Variants in FAM81A observed in about 807,000 individuals in gnomAD.
FAM81A encodes the protein protein FAM81A.
In FAM81A, 19 loss-of-function variants were observed where a neutral mutation model predicts 46.7. The observed-to-expected ratio is 0.41, with a 90% CI of 0.28 to 0.60. FAM81A has a LOEUF of 0.60. Among genes scored for constraint, FAM81A ranks in the 20% least tolerant of loss-of-function variants. The pLI, the probability that FAM81A is intolerant of heterozygous loss-of-function variation, is 0.34. For missense variants in FAM81A, 377 were observed against 453.5 expected (o/e 0.83, Z 1.53); for synonymous variants, 183 against 152.9 (o/e 1.20, Z -1.45).
rs1202424786 is a variant in FAM81A at position 59,460,912 on chromosome 15, T to C, written c.294+706T>C. 6.6e-6 allele frequency among the ~76,000 whole-genome samples: 1 copy of C among 152,212 alleles called. No homozygotes were observed. The highest frequency in any genetic ancestry group is 1.5e-5 in the Non-Finnish European group (1 of 68,046). The stretch of plus-strand genomic sequence containing the variant: ...TATATGGCTAGATTAAGGAAAACTT[T>C]TGCTTCCTGTGATGGAGATTATATC... On this transcript the variant is annotated intron_variant, in intron 3 of 8. Transcript: ENST00000288228. This position sits in a 1 kb window ranked among gnomAD's most constrained non-coding sequence, Gnocchi z 4.4.
chr15:59,430,254 CTTTTTTTTTTTTTTT>C (rs5812977), intron 2 of FAM81A, among the ~76,000 whole-genome samples: 13 of 87,456 alleles, frequency 1.5e-4, no homozygotes, highest in Non-Finnish European at 2.0e-4. Flanking sequence ...ACCTATTTCC[CTTTTTTTTTTTTTTT>C]TTTTTTTTTT....
intron 1 of FAM81A, among the ~76,000 whole-genome samples, chr15:59,456,662 G>T (rs542710474): frequency 4.6e-5 from 7 of 152,168 alleles, no homozygotes; most frequent in Non-Finnish European, 8.8e-5. Flanking sequence ...TGTAGCCTCA[G>T]CCTCCCTGGG....
intron 3 of FAM81A, among the ~76,000 whole-genome samples, chr15:59,463,121 T>C (rs2081572466): frequency 6.6e-6 from 1 of 152,224 alleles, no homozygotes. Flanking sequence ...TTTTCTCCTA[T>C]GTTTAATTCA....
intron 1 of FAM81A, among the ~76,000 whole-genome samples, chr15:59,450,165 A>G (rs1257245147): frequency 6.8e-6 from 1 of 146,936 alleles, no homozygotes; most frequent in Non-Finnish European, 1.5e-5. Flanking sequence ...TCCTGGGTTC[A>G]AGCCATCTGC....
chr15:59,497,042 C>T (rs1177141775), intron 4 of FAM81A, among the ~76,000 whole-genome samples: 4 of 151,938 alleles, frequency 2.6e-5, no homozygotes, highest in African/African-American at 9.7e-5. Context: ...AGGAGAATCG[C>T]TTGAACCTAG....
At chr15:59,417,588 G>A (rs1171664326) in intron 2 of FAM81A, among the ~76,000 whole-genome samples, 1 of 151,464 alleles carries the variant, frequency 6.6e-6, no homozygotes, top group Non-Finnish European at 1.5e-5. Context: ...AATGGTGCAC[G>A]CCTGTAATCC....
In FAM81A at chr15:59,502,485, CTGTGTGTG is replaced by C. The variant is rs71119478; in HGVS notation, c.414-4692_414-4685del. On this transcript the variant is annotated intron_variant, in intron 4 of 8. Coordinates refer to ENST00000288228, the MANE Select transcript of FAM81A (RefSeq NM_152450.3). ...CATAAAAAAACCAGAGTTGACTTCA[CTGTGTGTG>C]TGTGTGTGTGTGTGTGTGTGTGTGT... Among the ~76,000 whole-genome samples, 112 of 138,282 alleles carry C rather than the reference CTGTGTGTG, an allele frequency of 8.1e-4. 1 individual carries two copies. Among genetic ancestry groups the C allele is most frequent in the East Asian group, 1.5e-3 (7 of 4,680 alleles). The allele number at this position is 138,282 out of a possible 152,430, so 90.7% of individuals were successfully genotyped here. A position where few individuals can be genotyped will look rare whatever the true frequency, so the allele number is the denominator to read the frequency against.
At chr15:59,492,433 T>C in intron 4 of FAM81A, 44 bp downstream of exon 4, 1 of 1,479,506 alleles carries the variant, frequency 6.8e-7, no homozygotes, top group Non-Finnish European at 9.3e-7. Context: ...AAAAACCATT[T>C]TCTATAAACT....
At chr15:59,515,015 C>T (rs1344581554) in intron 7 of FAM81A, among the ~76,000 whole-genome samples, 4 of 152,156 alleles carry the variant, frequency 2.6e-5, no homozygotes, top group East Asian at 1.9e-4. Context: ...GAGGCTGAGG[C>T]GGGAGGATCG....
chr15:59,473,567 C>A (rs2081725857), intron 3 of FAM81A, among the ~76,000 whole-genome samples: 1 of 152,166 alleles, frequency 6.6e-6, no homozygotes, highest in Non-Finnish European at 1.5e-5. Context: ...GTTACTTCCC[C>A]ATTCTTAGAA....
chr15:59,496,411 C>A (rs2082034312), intron 4 of FAM81A, among the ~76,000 whole-genome samples: 1 of 151,928 alleles, frequency 6.6e-6, no homozygotes, highest in South Asian at 2.1e-4. Context: ...TCAAGACCAG[C>A]CTGACCAATA....
chr15:59,477,041 AC>A (rs1363382070), intron 3 of FAM81A, among the ~76,000 whole-genome samples: 30 of 151,302 alleles, frequency 2.0e-4, no homozygotes, highest in African/African-American at 6.8e-4. Context: ...AATCACTTGA[AC>A]CCAGGAGGCG....
intron 2 of FAM81A, chr15:59,407,784 A>G (rs561336018): frequency 3.0e-4 from 70 of 231,382 alleles, no homozygotes; most frequent in Non-Finnish European, 4.9e-4. Flanking sequence ...CTTTGCTGGC[A>G]GCTTTCTTCT....
intron 4 of FAM81A, among the ~76,000 whole-genome samples, chr15:59,498,239 T>C (rs2082054868): frequency 6.6e-6 from 1 of 152,244 alleles, no homozygotes; most frequent in African/African-American, 2.4e-5. Flanking sequence ...TTTGGAGTTT[T>C]AAAAGTATAA....
chr15:59,468,619 C>G (rs2081645170), intron 3 of FAM81A, among the ~76,000 whole-genome samples: 1 of 150,332 alleles, frequency 6.7e-6, no homozygotes, highest in African/African-American at 2.5e-5. Context: ...ATTAGTCTTG[C>G]TAGCAGTCTA....
rs754516996 is a variant in FAM81A at position 59,521,327 on chromosome 15, C to T, written c.1056C>T (p.Asp352=). ...VLEAKMKLDR[D]QLQKQIQLMQ... ...AGGCCAAGATGAAGCTGGACAGGGA[C>T]CAGCTACAGAAGCAAATCCAGCTGA... Residue 352 remains aspartate, a synonymous_variant, in exon 9 of 9, where the codon GAC becomes GAT. Coordinates refer to ENST00000288228, the MANE Select transcript of FAM81A (RefSeq NM_152450.3). 3.7e-6 allele frequency: 6 copies of T among 1,613,720 alleles called. No individual in the cohort carries two copies. Among genetic ancestry groups the T allele is most frequent in the Non-Finnish European group, 4.2e-6 (5 of 1,179,754 alleles).
At chr15:59,413,993 A>G (rs1367471713) in intron 2 of FAM81A, among the ~76,000 whole-genome samples, 1 of 152,034 alleles carries the variant, frequency 6.6e-6, no homozygotes, top group Non-Finnish European at 1.5e-5. Context: ...TCACTCTGTC[A>G]CCCAGGCTGG....
intron 2 of FAM81A, among the ~76,000 whole-genome samples, chr15:59,402,726 G>A (rs1210561742): frequency 2.9e-5 from 4 of 139,652 alleles, no homozygotes; most frequent in East Asian, 4.3e-4. Flanking sequence ...GGGGTGGGGG[G>A]GATATTTAGT....
In FAM81A at chr15:59,450,103, C is replaced by CTTTTTTT. The variant is rs56862038; in HGVS notation, c.-77-8437_-77-8431dup. Among the ~76,000 whole-genome samples the CTTTTTTT allele has an allele frequency of 1.0e-4, 13 of 126,250 alleles. 2 individuals are homozygous for CTTTTTTT. Among genetic ancestry groups the CTTTTTTT allele is most frequent in the South Asian group, 2.6e-4 (1 of 3,894 alleles). 82.8% of individuals were successfully genotyped at this position (126,250 alleles called of 152,430 possible). ...ACACCCAGCTAATTTTTCTTTCTTTCTTTTTTTTTTTTTTTTAATGTAAAT... is the reference window on the plus strand; with the variant it reads ...ACACCCAGCTAATTTTTCTTTCTTTCTTTTTTTTTTTTTTTTTTTTTTTAATGTAAAT... On this transcript the variant is annotated intron_variant, in intron 1 of 8. Coordinates refer to ENST00000288228, the MANE Select transcript of FAM81A (RefSeq NM_152450.3).
Sources: allele counts gnomAD v4.1 joint callset (sites outside exome capture counted in the v4.1 genomes callset), GRCh38; gene constraint gnomAD v4.1.1; non-coding constraint Gnocchi (gnomAD v3.1); transcripts MANE v1.5; gene names NCBI Gene and HGNC (gene_info 2026-07-23, HGNC 2026-07-21).